Variants in CATSPERT observed in about 807,000 individuals in gnomAD.
The protein encoded by CATSPERT is cation channel sperm-associated targeting subunit tau.
At chr2:201,577,929 A>G in the CATSPERT span, among the ~76,000 whole-genome samples, 1 of 152,194 alleles carries the variant, frequency 6.6e-6, no homozygotes. Flanking sequence ...GTTTGATTGA[A>G]TCTTTTTCAG....
chr2:201,548,843 A>T, the CATSPERT span, among the ~76,000 whole-genome samples: 1 of 152,208 alleles, frequency 6.6e-6, no homozygotes, highest in Non-Finnish European at 1.5e-5. Flanking sequence ...CAATTTGAGA[A>T]TAGCAGTTGA....
chr2:201,562,526 AT>A, the CATSPERT span, among the ~76,000 whole-genome samples: 68,820 of 146,902 alleles, frequency 0.47, 16,461 homozygotes, highest in East Asian at 0.72. Context: ...TTATTTATTT[AT>A]TTTTTTTATT....
chr2:201,575,725 G>C, the CATSPERT span, among the ~76,000 whole-genome samples: 1 of 152,086 alleles, frequency 6.6e-6, no homozygotes, highest in African/African-American at 2.4e-5. Context: ...CAAGCTCAGG[G>C]CTCCCACTGA....
At chr2:201,619,120 G>T in the CATSPERT span, 2 of 1,614,018 alleles carry the variant, frequency 1.2e-6, no homozygotes, top group African/African-American at 1.3e-5. Flanking sequence ...TGTCTCTTGG[G>T]GTGGCTCCAT....
chr2:201,598,220 C>A, the CATSPERT span, among the ~76,000 whole-genome samples: 1 of 152,100 alleles, frequency 6.6e-6, no homozygotes, highest in South Asian at 2.1e-4. Flanking sequence ...TCTGCCTCAG[C>A]CTCCAGAGTA....
the CATSPERT span, chr2:201,565,702 T>A: frequency 6.9e-7 from 1 of 1,453,674 alleles, no homozygotes; most frequent in African/African-American, 1.7e-5. Context: ...TGAGCTCTTT[T>A]GAATTTTTTT....
the CATSPERT span, among the ~76,000 whole-genome samples, chr2:201,532,226 C>T: frequency 2.5e-3 from 388 of 152,244 alleles, 2 homozygotes; most frequent in African/African-American, 9.1e-3. Flanking sequence ...TCCACAAGAA[C>T]ATTTATTTTT....
chr2:201,491,526 G>A, the CATSPERT span: 1 of 1,535,518 alleles, frequency 6.5e-7, no homozygotes, highest in Non-Finnish European at 8.7e-7. Context: ...TTTTATTATT[G>A]TTATTATTTC....
chr2:201,618,854 GC>G, the CATSPERT span: 1 of 1,587,390 alleles, frequency 6.3e-7, no homozygotes, highest in Admixed American at 1.7e-5. Context: ...CAGGTGCCCT[GC>G]TGGCCCCGGT....
the CATSPERT span, among the ~76,000 whole-genome samples, chr2:201,560,420 C>A: frequency 7.0e-6 from 1 of 142,364 alleles, no homozygotes; most frequent in South Asian, 2.2e-4. Flanking sequence ...AAGACTCTGT[C>A]TCAAATAATA....
At chr2:201,561,798 C>T in the CATSPERT span, among the ~76,000 whole-genome samples, 1 of 151,386 alleles carries the variant, frequency 6.6e-6, no homozygotes, top group Admixed American at 6.6e-5. Flanking sequence ...CTCTTGAACT[C>T]GGGAGGCAGA....
At chr2:201,543,260 G>A in the CATSPERT span, among the ~76,000 whole-genome samples, 1 of 151,950 alleles carries the variant, frequency 6.6e-6, no homozygotes, top group Non-Finnish European at 1.5e-5. Context: ...CTATAGTTTT[G>A]TAATACATTT....
chr2:201,578,455 C>T, the CATSPERT span, among the ~76,000 whole-genome samples: 8 of 152,062 alleles, frequency 5.3e-5, no homozygotes, highest in South Asian at 2.1e-4. Flanking sequence ...CAAATTTTAA[C>T]GGAAGTAATA....
chr2:201,538,803 T>C, the CATSPERT span, among the ~76,000 whole-genome samples: 1 of 152,120 alleles, frequency 6.6e-6, no homozygotes, highest in Admixed American at 6.6e-5. Flanking sequence ...TTTTTCCTGA[T>C]CCTCTGCCTC....
At chr2:201,534,963 T>C in the CATSPERT span, 1 of 382,378 alleles carries the variant, frequency 2.6e-6, no homozygotes, top group Non-Finnish European at 3.6e-6. Flanking sequence ...TCATAAAAGA[T>C]ATATGTACAT....
At chr2:201,547,032 A>G in the CATSPERT span, among the ~76,000 whole-genome samples, 1 of 152,150 alleles carries the variant, frequency 6.6e-6, no homozygotes, top group African/African-American at 2.4e-5. Flanking sequence ...AAAGAACAAC[A>G]CATTGTATGA....
the CATSPERT span, chr2:201,493,088 AATG>A: frequency 6.5e-7 from 1 of 1,532,130 alleles, no homozygotes; most frequent in Non-Finnish European, 8.7e-7. Flanking sequence ...CTTCTTTCAG[AATG>A]ATTATATTTG....
chr2:201,520,923 T>A, the CATSPERT span, among the ~76,000 whole-genome samples: 1 of 146,120 alleles, frequency 6.8e-6, no homozygotes, highest in South Asian at 2.2e-4. Context: ...GACATCAAAA[T>A]GGATACCACA....
chr2:201,550,529 AATTT>A, the CATSPERT span: 6 of 152,126 alleles, frequency 3.9e-5, no homozygotes, highest in East Asian at 5.8e-4. Flanking sequence ...AGTGAATGAA[AATTT>A]ATTTATCTCT....
Sources: gnomAD v4.1 joint callset for allele counts (sites outside exome capture counted in the v4.1 genomes callset) on GRCh38, gnomAD v4.1.1 for gene constraint, MANE v1.5 for transcripts, NCBI Gene and HGNC (gene_info 2026-07-23, HGNC 2026-07-21) for gene names.